The following HECTD3 variants were observed in gnomAD, a reference collection of about 807,000 sequenced individuals.
The protein encoded by HECTD3 is HECT domain E3 ubiquitin protein ligase 3, also known as E3 ubiquitin-protein ligase HECTD3.
HECTD3 carries 72 observed loss-of-function variants against 109.3 expected under a neutral mutation model. The observed-to-expected ratio is 0.66, with a 90% CI of 0.54 to 0.80. The LOEUF (loss-of-function observed/expected upper bound fraction) is 0.80. HECTD3 is among the 30% of genes least tolerant of loss of function. The pLI is 0.00. For missense variants in HECTD3, 1,041 were observed against 1,165.2 expected, an observed-to-expected ratio of 0.89 and a Z score of 1.55; for synonymous variants, 481 against 471.8, an observed-to-expected ratio of 1.02 and a Z score of -0.25.
chr1:45,008,679 G>A lies in HECTD3; in HGVS notation c.1095C>T (p.Leu365=). ...TAGATGACTTGATCTTGACCCCTCGGAGACGAACATCAATCCCATCATCTG... is the reference window on the plus strand; with the variant it reads ...TAGATGACTTGATCTTGACCCCTCGAAGACGAACATCAATCCCATCATCTG... The part of the protein sequence containing the change: ...ECRDDGIDVR[L]RGVKIKSSRQ... Residue 365 remains leucine, a synonymous_variant, in exon 8 of 21, where the codon CTC becomes CTT. Transcript: ENST00000372172. 1 of 1,613,582 alleles carries A rather than the reference G, an allele frequency of 6.2e-7. No homozygotes were observed. The highest frequency in any genetic ancestry group is 1.3e-5 in the African/African-American group (1 of 75,000).
chr1:45,008,677 C>T lies in HECTD3; in HGVS notation c.1097G>A (p.Arg366Gln). Residue 366 changes from arginine to glutamine, a missense_variant, in exon 8 of 21, where the codon CGA becomes CAA. Arg to Gln is a conservative substitution (Grantham distance 43, BLOSUM62 1). Around this residue, in one of 2 missense-constraint regions of HECTD3, gnomAD observed 569 missense variants for 715.3 expected, o/e 0.80. Coordinates refer to ENST00000372172, the MANE Select transcript of HECTD3 (RefSeq NM_024602.6). ...CRDDGIDVRL[R>Q]GVKIKSSRQR... ...TCTAGATGACTTGATCTTGACCCCT[C>T]GGAGACGAACATCAATCCCATCATC... 2.5e-6 allele frequency: 4 copies of T among 1,613,588 alleles called. No individual in the cohort carries two copies. The highest frequency in any genetic ancestry group is 1.1e-5 in the South Asian group (1 of 91,064).
chr1:45,004,794 C>A lies in HECTD3; in HGVS notation c.1948G>T (p.Glu650Ter). The A allele has an allele frequency of 6.2e-7, 1 of 1,614,208 alleles. No individual in the cohort carries two copies. The highest frequency in any genetic ancestry group is 1.3e-5 in the African/African-American group (1 of 75,062). The stretch of plus-strand genomic sequence containing the variant: ...TCCTTGTCCATTCCTTCCATCACTT[C>A]CAGGAGCTTCACCTAGGGGTTGGAG... The part of the protein sequence containing the change: ...AVDSVLVKLL[E>*]VMEGMDKETF... The change falls in exon 16 of 21, where the codon GAA becomes TAA. Residue 650 changes from glutamate (E) to a stop codon, truncating the protein, a stop_gained. Coordinates refer to ENST00000372172, the MANE Select transcript of HECTD3 (RefSeq NM_024602.6). LOFTEE classifies it high-confidence loss of function.
intron 15 of HECTD3, chr1:45,005,485 C>G (rs967971434): frequency 1.8e-5 from 5 of 281,352 alleles, no homozygotes; most frequent in Non-Finnish European, 2.0e-5. Context: ...ACATGGTGCC[C>G]TTCTGAGGCA....
intron 4 of HECTD3, 88 bp from the exon 5 acceptor site, chr1:45,009,771 G>T: frequency 1.7e-6 from 2 of 1,197,712 alleles, no homozygotes; most frequent in Admixed American, 2.0e-5. Flanking sequence ...CAGAGAGAAA[G>T]CATAGTGAAG....
chr1:45,009,927 T>C (rs938630610), intron 4 of HECTD3, 59 bp downstream of exon 4: 15 of 1,513,012 alleles, frequency 9.9e-6, no homozygotes, highest in Middle Eastern at 3.6e-4. Context: ...TCTTTCTGGA[T>C]CTAGCCTTGA....
At chr1:45,005,919 T>C in intron 14 of HECTD3, 36 bp from the exon 15 acceptor site, 1 of 1,605,428 alleles carries the variant, frequency 6.2e-7, no homozygotes, top group South Asian at 1.1e-5. Flanking sequence ...CTTCTCACCC[T>C]GAGCTGCCCA....
chr1:45,009,947 CTA>C (rs768082262), intron 4 of HECTD3, 37 bp downstream of exon 4: 1 of 1,517,696 alleles, frequency 6.6e-7, no homozygotes, highest in Non-Finnish European at 8.8e-7. Context: ...AGGGGTGTGA[CTA>C]TATCTTGCCT....
chr1:45,008,819 G>A (rs1322808966), intron 7 of HECTD3, 118 bp from the exon 8 acceptor site: 5 of 870,996 alleles, frequency 5.7e-6, no homozygotes, highest in East Asian at 2.5e-5. Flanking sequence ...CTAGAAACTC[G>A]GGACCTTCGG....
At position 45,008,570 on chromosome 1, in the gene HECTD3, C is replaced by T; in HGVS notation, c.1204G>A (p.Glu402Lys). ...AGGACAGCTCTGCGGTACAGTACTT[C>T]AGGGTCGGTGCCTTCTAGGCGTGGA... ...RYPRLEGTDP[E>K]VLYRRAVLLQ... Residue 402 changes from glutamate to lysine, a missense_variant, in exon 8 of 21, where the codon GAA becomes AAA. By Grantham distance (56) the Glu-to-Lys change is moderately conservative. Transcript: ENST00000372172. 1.2e-6 allele frequency: 2 copies of T among 1,614,010 alleles called. No homozygotes were observed. The highest frequency in any genetic ancestry group is 1.1e-5 in the South Asian group (1 of 91,080).
chr1:45,009,044 C>T, intron 7 of HECTD3, 100 bp downstream of exon 7: 1 of 1,001,574 alleles, frequency 1.0e-6, no homozygotes, highest in Admixed American at 1.8e-5. Flanking sequence ...ATCGCCTTCA[C>T]CCCAACTCCA....
At chr1:45,008,762 C>A in intron 7 of HECTD3, 61 bp from the exon 8 acceptor site, 1 of 1,532,928 alleles carries the variant, frequency 6.5e-7, no homozygotes, top group Non-Finnish European at 8.9e-7. Context: ...GGCCCTCAGA[C>A]CTGGGACCGG....
In HECTD3 at chr1:45,004,329, G is replaced by C; in HGVS notation, c.2191C>G (p.Leu731Val). The change falls in exon 17 of 21, where the codon CTG (leucine) becomes GTG (valine). Residue 731 changes from leucine (L) to valine (V), a missense_variant. Leu to Val is a conservative substitution (Grantham distance 32). Transcript: ENST00000372172. The stretch of plus-strand genomic sequence containing the variant: ...AACTCTTGCCAGGTCAGCAAGTCCA[G>C]CACAGCCTGTGGTACCACCTTCAGC... ...GLLKVVPQAV[L>V]DLLTWQELEK... The C allele has an allele frequency of 6.2e-7, 1 of 1,614,068 alleles. No homozygotes were observed. Among genetic ancestry groups the C allele is most frequent in the South Asian group, 1.1e-5 (1 of 91,086 alleles).
Position 45,008,700 on chromosome 1 carries a change from A to G in HECTD3, c.1074T>C (p.Asp358=), listed in dbSNP as rs1228807420. ...CTCGGAGACGAACATCAATCCCATC[A>G]TCTGGGGGAAGGGGTCAGAGTAAGG... ...IIEIRIVECR[D]DGIDVRLRGV... Residue 358 remains aspartate (D), a splice_region_variant and synonymous_variant, in exon 8 of 21, where the codon GAT becomes GAC. Coordinates refer to ENST00000372172, the MANE Select transcript of HECTD3 (RefSeq NM_024602.6). 6.2e-7 allele frequency: 1 copy of G among 1,612,900 alleles called. No individual in the cohort carries two copies. The highest frequency in any genetic ancestry group is 1.3e-5 in the African/African-American group (1 of 74,996).
Position 45,007,689 on chromosome 1 carries a change from C to T in HECTD3, c.1321-94G>A, listed in dbSNP as rs539121465. On this transcript the variant is annotated intron_variant, in intron 9 of 20. Transcript: ENST00000372172. The stretch of plus-strand genomic sequence containing the variant: ...CCCCTCTGCCTGTATCCAATTCCAC[C>T]GTTTCAGTTCAAGTCTAGTCCATCC... 38 of 1,048,496 alleles carry T rather than the reference C, an allele frequency of 3.6e-5. 2 individuals are homozygous for T. The highest frequency in any genetic ancestry group is 2.3e-4 in the South Asian group (15 of 66,618). The allele number at this position is 1,048,496 out of a possible 1,614,324, so 64.9% of individuals were successfully genotyped here. A position where few individuals can be genotyped will look rare whatever the true frequency, so the allele number is the denominator to read the frequency against.
At chr1:45,007,049 G>A (rs1159486976) in intron 11 of HECTD3, 34 bp from the exon 12 acceptor site, 4 of 1,612,102 alleles carry the variant, frequency 2.5e-6, no homozygotes, top group African/African-American at 1.3e-5. Context: ...GTCATTATGT[G>A]GGGCCAGGTG....
chr1:45,011,052 T>C lies in HECTD3; in HGVS notation c.206A>G (p.Glu69Gly). Residue 69 changes from glutamate (E) to glycine (G), a missense_variant, in exon 1 of 21, where the codon GAG (glutamate) becomes GGG (glycine). Physicochemically the swap from Glu to Gly is moderately conservative, Grantham distance 98 (BLOSUM62 -2). Coordinates refer to ENST00000372172, the MANE Select transcript of HECTD3 (RefSeq NM_024602.6). ...SRVLLPVWEA[E>G]GLGLRVGAAG... is the part of the protein sequence containing the mutation. ...GGCGCCCACACGCAGCCCCAGGCCC[T>C]CTGCCTCCCACACCGGCAGAAGCAC... 6.9e-7 allele frequency: 1 copy of C among 1,441,242 alleles called. No individual in the cohort carries two copies. 89.3% of individuals were successfully genotyped at this position (1,441,242 alleles called of 1,614,324 possible). A position where few individuals can be genotyped will look rare whatever the true frequency, so the allele number is the denominator to read the frequency against.
At chr1:45,005,705 TG>T in intron 15 of HECTD3, 88 bp downstream of exon 15, 1 of 1,005,678 alleles carries the variant, frequency 9.9e-7, no homozygotes, top group African/African-American at 1.6e-5. Flanking sequence ...ATCTTGTGTG[TG>T]GTGAAAGAAC....
At position 45,004,120 on chromosome 1, in the gene HECTD3, A is replaced by G. The variant is rs1250389835; in HGVS notation, c.2287T>C (p.Phe763Leu). ...ALRKLTRFED[F>L]EPSDSRVQYF... ...TGCACCCGCGAGTCAGATGGCTCGA[A>G]GTCCTCAAACCGGGCTGGTGGAGAC... Residue 763 changes from phenylalanine (F) to leucine (L), a missense_variant, in exon 18 of 21, where the codon TTC becomes CTC. Around this residue, in one of 2 missense-constraint regions of HECTD3, gnomAD observed 569 missense variants for 715.3 expected, o/e 0.80. Transcript: ENST00000372172. The G allele has an allele frequency of 6.2e-7, 1 of 1,614,128 alleles. No homozygotes were observed. The highest frequency in any genetic ancestry group is 8.5e-7 in the Non-Finnish European group (1 of 1,180,026).
Position 45,009,423 on chromosome 1 carries a change from A to C in HECTD3, c.935T>G (p.Val312Gly). Reference sequence around the variant, plus strand: ...CAGGTTGTCCCCTTCACCCCCATAGACCACCACCCGCTTTGGCATAAAGTT... The same window carrying C: ...CAGGTTGTCCCCTTCACCCCCATAGCCCACCACCCGCTTTGGCATAAAGTT... ...DDNFMPKRVVVYGGEGDNLKK... is the reference protein window; with the variant it reads ...DDNFMPKRVVGYGGEGDNLKK... Residue 312 changes from valine to glycine, a missense_variant, in exon 6 of 21, where the codon GTC (valine) becomes GGC (glycine). Physicochemically the swap from Val to Gly is moderately radical, Grantham distance 109. This residue lies in a region of HECTD3 where 472 missense variants were observed against 449.9 expected (regional missense o/e 1.05). Transcript: ENST00000372172. 1 of 1,613,980 alleles carries C rather than the reference A, an allele frequency of 6.2e-7. No individual in the cohort carries two copies. The highest frequency in any genetic ancestry group is 8.5e-7 in the Non-Finnish European group (1 of 1,179,964).
Sources: allele counts gnomAD v4.1 joint callset, GRCh38; gene constraint gnomAD v4.1.1; regional missense constraint gnomAD v4.1.1; transcripts MANE v1.5; gene names NCBI Gene and HGNC (gene_info 2026-07-23, HGNC 2026-07-21).